OGA: variants seen among roughly 807,000 people sequenced by gnomAD.
The protein encoded by OGA is protein O-GlcNAcase.
Under a neutral mutation model 102.0 loss-of-function variants are expected in OGA, and 21 were observed. That is an observed-to-expected ratio of 0.21 (90% CI 0.15 to 0.30). The LOEUF (loss-of-function observed/expected upper bound fraction) is 0.30, where lower values mean the gene tolerates loss of function less well. Ranked by LOEUF, OGA falls within the 10% of genes least tolerant of loss-of-function variation. The pLI is 1.00. For synonymous variants in OGA, 408 were observed against 378.2 expected (o/e 1.08, Z -0.91); for missense variants, 765 against 1,107.8 (o/e 0.69, Z 4.39).
At chr10:101,786,740 C>CA (rs2065193817) in intron 15 of OGA, among the ~76,000 whole-genome samples, 153 bp from the exon 16 acceptor site, 1 of 152,182 alleles carries the variant, frequency 6.6e-6, no homozygotes, top group African/African-American at 2.4e-5. Context: ...AATTCATATT[C>CA]AAAAAATTCA....
intron 5 of OGA, among the ~76,000 whole-genome samples, chr10:101,806,569 T>G (rs556176829): frequency 6.6e-6 from 1 of 152,332 alleles, no homozygotes; most frequent in Admixed American, 6.5e-5. Flanking sequence ...AGTGGGCAGT[T>G]CATTTAAGAA....
In OGA at chr10:101,797,537, T is replaced by C. The variant is rs2065331353; in HGVS notation, c.1984+443A>G. The C allele has an allele frequency of 1.4e-5, 3 of 216,734 alleles. 1 individual carries two copies. The South Asian group carries it at 2.6e-4, about 19-fold the overall frequency. 13.4% of individuals were successfully genotyped at this position (216,734 alleles called of 1,614,324 possible). On this transcript the variant is annotated intron_variant, in intron 10 of 15. Transcript: ENST00000361464. ...TCGCATGCGCACAGGGCTGGGAGGA[T>C]GGCTTCCTCTTGCCAGGCCCTTTAG...
At chr10:101,800,039 ATCTTTGTATTTTTAGTAGGGACAAGGTT>A (rs2065369219) in intron 8 of OGA, among the ~76,000 whole-genome samples, 175 bp downstream of exon 8, 1 of 152,176 alleles carries the variant, frequency 6.6e-6, no homozygotes, top group Admixed American at 6.5e-5. Flanking sequence ...CGCCCGGCTA[ATCTTTGTATTTTTAGTAGGGACAAGGTT>A]TCACTATGTT....
intron 11 of OGA, 71 bp from the exon 12 acceptor site, chr10:101,793,014 G>T: frequency 8.4e-7 from 1 of 1,186,840 alleles, no homozygotes; most frequent in Non-Finnish European, 1.2e-6. Context: ...GGTGTGCACT[G>T]CAGATTACCA....
intron 15 of OGA, among the ~76,000 whole-genome samples, chr10:101,786,861 G>A (rs1163329834): frequency 2.0e-5 from 3 of 152,056 alleles, no homozygotes; most frequent in African/African-American, 4.8e-5. Flanking sequence ...TCCGCCTCCC[G>A]GCTTCAAGCA....
intron 1 of OGA, among the ~76,000 whole-genome samples, chr10:101,816,749 C>T (rs1007425040): frequency 1.3e-5 from 2 of 152,120 alleles, no homozygotes; most frequent in African/African-American, 2.4e-5. Flanking sequence ...AGCAAAGTAG[C>T]CTGTTATGGT....
intron 14 of OGA, 46 bp from the exon 15 acceptor site, chr10:101,787,569 GAT>G: frequency 4.6e-6 from 7 of 1,515,292 alleles, no homozygotes; most frequent in Non-Finnish European, 6.4e-6. Context: ...TTACGCATTA[GAT>G]ATCTAACCCA....
In OGA at chr10:101,810,172, G is replaced by C; in HGVS notation, c.480+12C>G. On this transcript the variant is annotated intron_variant, in intron 4 of 15. Transcript: ENST00000361464. ...CATAGTCAGGAAAAATGAATAAAAA[G>C]TAAGGAGTTACCTGGTCCAATTTAC... is the stretch of plus-strand genomic sequence containing the variant. The C allele has an allele frequency of 1.9e-6, 3 of 1,598,618 alleles. No homozygotes were observed. The highest frequency in any genetic ancestry group is 2.6e-6 in the Non-Finnish European group (3 of 1,173,444).
In OGA at chr10:101,810,173, T is replaced by C. The variant is rs375119642; in HGVS notation, c.480+11A>G. 2 of 1,598,926 alleles carry C rather than the reference T, an allele frequency of 1.3e-6. No individual in the cohort carries two copies. Among genetic ancestry groups the C allele is most frequent in the African/African-American group, 2.7e-5 (2 of 74,106 alleles). ...ATAGTCAGGAAAAATGAATAAAAAG[T>C]AAGGAGTTACCTGGTCCAATTTACG... On this transcript the variant is annotated intron_variant, in intron 4 of 15. Transcript: ENST00000361464.
At position 101,817,960 on chromosome 10, in the gene OGA, A is replaced by G; in HGVS notation, c.63T>C (p.Pro21=). Residue 21 remains proline, a synonymous_variant, in exon 1 of 16, where the codon CCT becomes CCC. Transcript: ENST00000361464. ...CCAGCGATGCCCCCGCAGAGGCGGC[A>G]GGGTTGGAGCTGAGCTCGCTCTCCC... is the stretch of plus-strand genomic sequence containing the variant. ...EERESELSSN[P]AASAGASLEP... The G allele has an allele frequency of 6.2e-7, 1 of 1,604,592 alleles. No homozygotes were observed. The highest frequency in any genetic ancestry group is 8.5e-7 in the Non-Finnish European group (1 of 1,175,684).
intron 11 of OGA, 69 bp downstream of exon 11, chr10:101,793,844 T>C (rs2065285840): frequency 1.7e-6 from 2 of 1,168,620 alleles, no homozygotes; most frequent in Non-Finnish European, 2.5e-6. Context: ...TCCAGCCATC[T>C]GATGCGCAAC....
chr10:101,798,238 G>A lies in OGA; in HGVS notation c.1810-84C>T, dbSNP rs76764775. On this transcript the variant is annotated intron_variant, in intron 9 of 15. Transcript: ENST00000361464. Reference sequence around the variant, plus strand: ...CACAGTTACACATTAAGCTGCTTATGTTGTCAGGTACTGGCAATTTATCTT... The same window carrying A: ...CACAGTTACACATTAAGCTGCTTATATTGTCAGGTACTGGCAATTTATCTT... The A allele has an allele frequency of 3.2e-3, 4,179 of 1,303,902 alleles. 94 individuals are homozygous for A. The African/African-American group carries it at 0.053, about 17-fold the overall frequency. 80.8% of individuals were successfully genotyped at this position (1,303,902 alleles called of 1,614,324 possible). A position where few individuals can be genotyped will look rare whatever the true frequency, so the allele number is the denominator to read the frequency against.
intron 11 of OGA, 160 bp downstream of exon 11, chr10:101,793,751 AAG>A: frequency 1.8e-6 from 1 of 567,574 alleles, no homozygotes; most frequent in Non-Finnish European, 3.1e-6. Context: ...ATTACTGTGA[AAG>A]AGGAGGAAAA....
At chr10:101,786,693 T>G in intron 15 of OGA, 106 bp from the exon 16 acceptor site, 2 of 924,722 alleles carry the variant, frequency 2.2e-6, no homozygotes, top group Non-Finnish European at 1.5e-6. Flanking sequence ...AGGGCTTGTC[T>G]GTCTACACCA....
rs774059958 is a variant in OGA, at chr10:101,807,911, A to G, written c.481-10T>C. On this transcript the variant is annotated splice_polypyrimidine_tract_variant and intron_variant, in intron 4 of 15. Transcript: ENST00000361464. ...ACCCAAACTGAGAAACCTAGGAGAA[A>G]AAAAAAAAAAAGAATCAAGAGTAAA... 37 of 1,366,966 alleles carry G rather than the reference A, an allele frequency of 2.7e-5. No individual in the cohort carries two copies. The highest frequency in any genetic ancestry group is 1.8e-5 in the Non-Finnish European group (19 of 1,028,992). 84.7% of individuals were successfully genotyped at this position (1,366,966 alleles called of 1,614,324 possible). A position where few individuals can be genotyped will look rare whatever the true frequency, so the allele number is the denominator to read the frequency against.
At chr10:101,806,374 T>C (rs1031522459) in intron 5 of OGA, among the ~76,000 whole-genome samples, 2 of 152,218 alleles carry the variant, frequency 1.3e-5, no homozygotes, top group African/African-American at 4.8e-5. Context: ...GGCTAATTTT[T>C]TTTTGTATTT....
intron 10 of OGA, chr10:101,795,898 C>A (rs1408013161): frequency 1.0e-6 from 1 of 982,272 alleles, no homozygotes; most frequent in Non-Finnish European, 1.2e-6. Flanking sequence ...GCTGTAAGAG[C>A]TTGAGATTGT....
intron 3 of OGA, among the ~76,000 whole-genome samples, chr10:101,811,691 C>T (rs1190092418): frequency 3.3e-5 from 5 of 151,846 alleles, no homozygotes; most frequent in Non-Finnish European, 7.4e-5. Context: ...CAAACGCTGT[C>T]TCCAAAAAAA....
intron 7 of OGA, among the ~76,000 whole-genome samples, chr10:101,800,678 CTACTGAG>C (rs2065377352): frequency 6.6e-6 from 1 of 151,800 alleles, no homozygotes; most frequent in East Asian, 1.9e-4. Context: ...TCTTAACCGT[CTACTGAG>C]TACTAATTGT....
Sources: gnomAD v4.1 joint callset for allele counts (sites outside exome capture counted in the v4.1 genomes callset) on GRCh38, gnomAD v4.1.1 for gene constraint, MANE v1.5 for transcripts, NCBI Gene and HGNC (gene_info 2026-07-23, HGNC 2026-07-21) for gene names.